Variants in HS3ST5 observed in about 807,000 individuals in gnomAD.
HS3ST5 encodes the protein heparan sulfate glucosamine 3-O-sulfotransferase 5.
Under a neutral mutation model 25.4 loss-of-function variants are expected in HS3ST5, and 10 were observed. That is an observed-to-expected ratio of 0.39 (90% CI 0.24 to 0.67). HS3ST5 has a LOEUF of 0.67. HS3ST5 is among the 30% of genes least tolerant of loss of function. The pLI is 0.44. For missense variants in HS3ST5, 324 were observed against 420.7 expected, an observed-to-expected ratio of 0.77 and a Z score of 2.01; for synonymous variants, 170 against 162.4, an observed-to-expected ratio of 1.05 and a Z score of -0.36.
At chr6:114,089,572 C>A (rs1775019305) in intron 3 of HS3ST5, among the ~76,000 whole-genome samples, 1 of 152,166 alleles carries the variant, frequency 6.6e-6, no homozygotes, top group Non-Finnish European at 1.5e-5. Context: ...ATTAGCGCTT[C>A]CACTTTGAAA....
At chr6:114,212,074 C>T (rs1293829691) in intron 2 of HS3ST5, among the ~76,000 whole-genome samples, 6 of 152,150 alleles carry the variant, frequency 3.9e-5, no homozygotes, top group South Asian at 2.1e-4. Context: ...CCTGGATCCC[C>T]GATTAAAGGG....
chr6:114,341,222 GGA>G (rs4034605), intron 1 of HS3ST5, among the ~76,000 whole-genome samples: 1,212 of 46,580 alleles, frequency 0.026, 20 homozygotes, highest in African/African-American at 0.06. Context: ...GGAGAGAGGG[GGA>G]GAGAGAGAGA....
At chr6:114,145,946 C>T (rs1562214825) in intron 3 of HS3ST5, among the ~76,000 whole-genome samples, 1 of 152,124 alleles carries the variant, frequency 6.6e-6, no homozygotes, top group Non-Finnish European at 1.5e-5. Context: ...AACCAATGGA[C>T]ATCTGAAAGG....
intron 1 of HS3ST5, among the ~76,000 whole-genome samples, chr6:114,250,794 A>T (rs1772625143): frequency 6.6e-6 from 1 of 152,200 alleles, no homozygotes; most frequent in African/African-American, 2.4e-5. Flanking sequence ...GTCATACTAT[A>T]CTTGCTTAGT....
intron 1 of HS3ST5, among the ~76,000 whole-genome samples, chr6:114,272,994 G>A (rs537630389): frequency 4.7e-4 from 71 of 152,186 alleles, no homozygotes; most frequent in African/African-American, 1.7e-3. Flanking sequence ...TTTACTCTGA[G>A]TAAAATGGCC....
At chr6:114,232,949 A>C (rs1203498944) in intron 1 of HS3ST5, among the ~76,000 whole-genome samples, 1 of 152,128 alleles carries the variant, frequency 6.6e-6, no homozygotes, top group Non-Finnish European at 1.5e-5. Context: ...AAAAACTTTT[A>C]ATACCTTTCC....
intron 1 of HS3ST5, among the ~76,000 whole-genome samples, chr6:114,302,478 A>G (rs1292669230): frequency 6.6e-6 from 1 of 152,204 alleles, no homozygotes; most frequent in Non-Finnish European, 1.5e-5. Context: ...CTACTTAAGT[A>G]AAACCTAGGA....
At chr6:114,190,171 T>C (rs949728977) in intron 2 of HS3ST5, among the ~76,000 whole-genome samples, 2 of 152,158 alleles carry the variant, frequency 1.3e-5, no homozygotes, top group Non-Finnish European at 2.9e-5. Context: ...GGAACAAAAC[T>C]TCAGTTTCCC....
At chr6:114,171,605 G>C (rs890747722) in intron 2 of HS3ST5, among the ~76,000 whole-genome samples, 1 of 152,170 alleles carries the variant, frequency 6.6e-6, no homozygotes. Flanking sequence ...TAATAAAGTT[G>C]TATTCAGCCC....
At chr6:114,336,906 T>C (rs1776633999) in intron 1 of HS3ST5, among the ~76,000 whole-genome samples, 1 of 152,224 alleles carries the variant, frequency 6.6e-6, no homozygotes, top group African/African-American at 2.4e-5. Context: ...AGATTGTTAA[T>C]ATTTATGATA....
At chr6:114,236,823 G>T (rs1771879502) in intron 1 of HS3ST5, among the ~76,000 whole-genome samples, 1 of 152,134 alleles carries the variant, frequency 6.6e-6, no homozygotes, top group Non-Finnish European at 1.5e-5. Context: ...TACTGCAATT[G>T]TATACTCTAT....
At chr6:114,339,748 C>T (rs1776749702) in intron 1 of HS3ST5, among the ~76,000 whole-genome samples, 1 of 152,180 alleles carries the variant, frequency 6.6e-6, no homozygotes, top group African/African-American at 2.4e-5. Context: ...TTAGAGTCAA[C>T]ATCAATTCTC....
chr6:114,207,542 C>T (rs1324341220), intron 2 of HS3ST5, among the ~76,000 whole-genome samples: 1 of 152,096 alleles, frequency 6.6e-6, no homozygotes, highest in African/African-American at 2.4e-5. Context: ...GAAGGCTCAT[C>T]CCTACTGTTT....
intron 1 of HS3ST5, among the ~76,000 whole-genome samples, chr6:114,285,209 A>G (rs1416764217): frequency 1.3e-5 from 2 of 152,042 alleles, no homozygotes; most frequent in Admixed American, 6.6e-5. Flanking sequence ...TGGTATATGC[A>G]TGTTTTCACT....
At chr6:114,308,735 A>G (rs1470219821) in intron 1 of HS3ST5, among the ~76,000 whole-genome samples, 1 of 152,158 alleles carries the variant, frequency 6.6e-6, no homozygotes, top group Non-Finnish European at 1.5e-5. Context: ...ACCCAGTCCC[A>G]GGAGGAGGTG....
intron 4 of HS3ST5, chr6:114,058,951 T>G (rs1772938727): frequency 6.6e-6 from 1 of 152,246 alleles, no homozygotes; most frequent in Admixed American, 6.5e-5. Flanking sequence ...CAACAAGACC[T>G]TGACAGGGCC....
At chr6:114,320,646 A>G (rs1775928015) in intron 1 of HS3ST5, among the ~76,000 whole-genome samples, 1 of 151,938 alleles carries the variant, frequency 6.6e-6, no homozygotes, top group Non-Finnish European at 1.5e-5. Flanking sequence ...TATAAATGTA[A>G]TGAGAAAGGG....
Position 114,301,711 on chromosome 6 carries a change from C to G in HS3ST5, c.-339+40484G>C, listed in dbSNP as rs534854190. On this transcript the variant is annotated intron_variant, in intron 1 of 4. Coordinates refer to ENST00000312719, the MANE Select transcript of HS3ST5 (RefSeq NM_153612.4). ...GGACACTGACACTCTCCTTAGCTCT[C>G]ATCATCCATCTCCTGAAAAATCTGG... is the stretch of plus-strand genomic sequence containing the variant. Among the ~76,000 whole-genome samples the G allele has an allele frequency of 3.7e-3, 557 of 152,258 alleles. 3 individuals are homozygous for G. The highest frequency in any genetic ancestry group is 5.8e-3 in the Non-Finnish European group (397 of 68,022).
At chr6:114,286,613 T>C (rs1369415792) in intron 1 of HS3ST5, among the ~76,000 whole-genome samples, 1 of 152,134 alleles carries the variant, frequency 6.6e-6, no homozygotes, top group South Asian at 2.1e-4. Context: ...TTCTTTCCAA[T>C]TAAATGTATA....
Sources: allele counts gnomAD v4.1 joint callset (sites outside exome capture counted in the v4.1 genomes callset), GRCh38; gene constraint gnomAD v4.1.1; transcripts MANE v1.5; gene names NCBI Gene and HGNC (gene_info 2026-07-23, HGNC 2026-07-21).